RALY: variants seen among roughly 807,000 people sequenced by gnomAD.
RALY encodes RALY heterogeneous nuclear ribonucleoprotein, also known as RNA-binding protein Raly.
In RALY, 15 loss-of-function variants were observed where a neutral mutation model predicts 30.7. That is an observed-to-expected ratio of 0.49 (90% CI 0.33 to 0.75). The LOEUF is 0.75. Ranked by LOEUF, RALY falls within the 30% of genes least tolerant of loss-of-function variation. RALY has a pLI of 0.02. For missense variants in RALY, 339 were observed against 414.3 expected (o/e 0.82, Z 1.58); for synonymous variants, 177 against 170.8 (o/e 1.04, Z -0.28).
At chr20:34,001,294 A>G (rs1001122731) in intron 1 of RALY, among the ~76,000 whole-genome samples, 3 of 152,252 alleles carry the variant, frequency 2.0e-5, no homozygotes, top group African/African-American at 4.8e-5. Context: ...TTTTCACACA[A>G]TGGTAATAAT....
rs6059631 is a variant in RALY at position 34,018,103 on chromosome 20, A to G, written c.-92-13419A>G. 8.0e-3 allele frequency among the ~76,000 whole-genome samples: 1,224 copies of G among 152,326 alleles called. 18 individuals carry two copies. The highest frequency in any genetic ancestry group is 0.027 in the African/African-American group (1,112 of 41,562). On this transcript the variant is annotated intron_variant, in intron 1 of 9. Transcript: ENST00000246194. ...CAAAAGCATAAAGATGTGTCCAGGA[A>G]TTACTGGTAAAGGGGTGGGCATTAG...
At chr20:34,019,128 G>C (rs1237307448) in intron 1 of RALY, among the ~76,000 whole-genome samples, 1 of 152,068 alleles carries the variant, frequency 6.6e-6, no homozygotes, top group Admixed American at 6.5e-5. Flanking sequence ...TTCAAGAGCA[G>C]CCTGGCCAAG....
Position 34,047,070 on chromosome 20 carries a change from C to T in RALY, c.-10+15466C>T, listed in dbSNP as rs189571111. ...CTGACCTCAGGTGATCCTCCCACCTCGGCCTCCCAAAGTGGGGGGATTACA... is the reference window on the plus strand; with the variant it reads ...CTGACCTCAGGTGATCCTCCCACCTTGGCCTCCCAAAGTGGGGGGATTACA... On this transcript the variant is annotated intron_variant, in intron 2 of 9. Transcript: ENST00000246194. Among the ~76,000 whole-genome samples the T allele has an allele frequency of 7.8e-3, 1,191 of 152,252 alleles. 8 individuals are homozygous for T. Among genetic ancestry groups the T allele is most frequent in the Non-Finnish European group, 9.1e-3 (616 of 68,012 alleles).
intron 1 of RALY, among the ~76,000 whole-genome samples, chr20:34,023,460 C>CAG (rs1377648300): frequency 6.6e-6 from 1 of 152,072 alleles, no homozygotes; most frequent in Non-Finnish European, 1.5e-5. Flanking sequence ...GCCTTCCTTA[C>CAG]AGAGGGGTGG....
intron 5 of RALY, among the ~76,000 whole-genome samples, chr20:34,075,614 A>T (rs1277227428): frequency 6.6e-6 from 1 of 152,046 alleles, no homozygotes; most frequent in Non-Finnish European, 1.5e-5. Context: ...ATGGGGTATA[A>T]CTGCTACCAC....
chr20:34,020,037 G>GTT (rs1201113012), intron 1 of RALY, among the ~76,000 whole-genome samples: 1 of 152,138 alleles, frequency 6.6e-6, no homozygotes, highest in African/African-American at 2.4e-5. Context: ...TTCCAGCCTG[G>GTT]GCAACAGAGC....
At chr20:34,014,914 T>C (rs757822735) in intron 1 of RALY, 1 of 152,218 alleles carries the variant, frequency 6.6e-6, no homozygotes, top group Non-Finnish European at 1.5e-5. Flanking sequence ...AATACTTCTT[T>C]ATGATTCAGA....
chr20:34,012,332 C>G (rs1310604032), intron 1 of RALY, among the ~76,000 whole-genome samples: 1 of 152,140 alleles, frequency 6.6e-6, no homozygotes, highest in African/African-American at 2.4e-5. Flanking sequence ...CTGTCACTAG[C>G]ATCAGATTGA....
intron 2 of RALY, among the ~76,000 whole-genome samples, chr20:34,032,502 TTG>T (rs1017108474): frequency 2.3e-5 from 2 of 85,988 alleles, no homozygotes; most frequent in African/African-American, 1.1e-4. Flanking sequence ...AAATCCCTTT[TTG>T]TGTGTTGGGG....
chr20:33,995,036 G>C (rs1301064393), intron 1 of RALY, among the ~76,000 whole-genome samples: 1 of 152,156 alleles, frequency 6.6e-6, no homozygotes, highest in African/African-American at 2.4e-5. Context: ...TTCCTGGTGT[G>C]AGCATGTATC....
intron 2 of RALY, among the ~76,000 whole-genome samples, chr20:34,067,929 G>A (rs137867959): frequency 6.0e-4 from 91 of 150,712 alleles, no homozygotes; most frequent in African/African-American, 2.0e-3. Context: ...TAGACTTAGC[G>A]TCAGAAGACC....
intron 2 of RALY, among the ~76,000 whole-genome samples, chr20:34,045,649 G>A (rs2032855116): frequency 1.3e-5 from 2 of 152,138 alleles, no homozygotes; most frequent in Non-Finnish European, 1.5e-5. Context: ...CTGTCTTTTG[G>A]CCAATATTAA....
At chr20:33,996,449 A>G (rs550163250) in intron 1 of RALY, among the ~76,000 whole-genome samples, 6 of 152,170 alleles carry the variant, frequency 3.9e-5, no homozygotes, top group Non-Finnish European at 7.4e-5. Flanking sequence ...TATGGACTAT[A>G]TTACTAATTC....
intron 1 of RALY, among the ~76,000 whole-genome samples, chr20:34,021,935 A>T (rs1385050965): frequency 1.3e-5 from 2 of 151,334 alleles, no homozygotes; most frequent in East Asian, 1.9e-4. Context: ...ATTTTTTTTT[A>T]AATAGAGACG....
chr20:33,997,483 A>G (rs900948226), intron 1 of RALY, among the ~76,000 whole-genome samples: 4 of 152,156 alleles, frequency 2.6e-5, no homozygotes, highest in African/African-American at 4.8e-5. Flanking sequence ...CCCTTCTGAC[A>G]GTCCAGGGTT....
intron 1 of RALY, among the ~76,000 whole-genome samples, chr20:34,006,979 A>G (rs548934566): frequency 6.6e-6 from 1 of 152,298 alleles, no homozygotes; most frequent in African/African-American, 2.4e-5. Context: ...TGCTCATTGC[A>G]TTCCTATGGT....
chr20:34,039,032 G>T (rs1432153228), intron 2 of RALY, among the ~76,000 whole-genome samples: 1 of 152,190 alleles, frequency 6.6e-6, no homozygotes, highest in Non-Finnish European at 1.5e-5. Context: ...AGGGAATGAG[G>T]TAGAAAGTTG....
chr20:34,071,522 A>G (rs932602098), intron 2 of RALY, among the ~76,000 whole-genome samples: 2 of 151,852 alleles, frequency 1.3e-5, no homozygotes, highest in Non-Finnish European at 2.9e-5. Context: ...TAGGTGATGC[A>G]CCCGTCTCGG....
chr20:34,048,876 C>A (rs2032980661), intron 2 of RALY, among the ~76,000 whole-genome samples: 2 of 104,766 alleles, frequency 1.9e-5, no homozygotes, highest in Admixed American at 1.9e-4. Context: ...AAAAAATTTT[C>A]TCTGCATCAC....
Sources: allele counts gnomAD v4.1 joint callset (sites outside exome capture counted in the v4.1 genomes callset), GRCh38; gene constraint gnomAD v4.1.1; transcripts MANE v1.5; gene names NCBI Gene and HGNC (gene_info 2026-07-23, HGNC 2026-07-21).